The following CNTNAP2 variants were observed in gnomAD, a reference collection of about 807,000 sequenced individuals.
CNTNAP2 encodes contactin associated protein 2, also known as contactin-associated protein-like 2.
A neutral mutation model predicts 155.2 loss-of-function variants in CNTNAP2; 98 were observed. The observed-to-expected ratio is 0.63, with a 90% CI of 0.54 to 0.75. The LOEUF (loss-of-function observed/expected upper bound fraction) is 0.75. Ranked by LOEUF, CNTNAP2 falls within the 30% of genes least tolerant of loss-of-function variation. The pLI, the probability that CNTNAP2 is intolerant of heterozygous loss-of-function variation, is 0.00. For synonymous variants in CNTNAP2, 651 were observed against 631.2 expected (o/e 1.03, Z -0.47); for missense variants, 1,727 against 1,688.1 (o/e 1.02, Z -0.40).
At chr7:146,289,683 A>G (rs1375232594) in intron 1 of CNTNAP2, among the ~76,000 whole-genome samples, 1 of 152,206 alleles carries the variant, frequency 6.6e-6, no homozygotes, top group Non-Finnish European at 1.5e-5. Context: ...ATCGTATTTA[A>G]AATTAATTTA....
intron 1 of CNTNAP2, among the ~76,000 whole-genome samples, chr7:146,424,065 G>A (rs1162754893): frequency 6.6e-6 from 1 of 152,002 alleles, no homozygotes; most frequent in Non-Finnish European, 1.5e-5. Context: ...ATATCCTCAA[G>A]GAGAACTTGG....
chr7:148,223,912 G>T (rs535487281), intron 19 of CNTNAP2, among the ~76,000 whole-genome samples: 1 of 152,172 alleles, frequency 6.6e-6, no homozygotes, highest in Admixed American at 6.5e-5. Context: ...AATGTCCAGC[G>T]TTTTGCATAA....
chr7:146,952,972 G>C (rs1006242158), intron 3 of CNTNAP2, among the ~76,000 whole-genome samples: 2 of 152,046 alleles, frequency 1.3e-5, no homozygotes, highest in East Asian at 3.9e-4. Flanking sequence ...ACAGTCCTCT[G>C]AGATGATAGT....
intron 1 of CNTNAP2, among the ~76,000 whole-genome samples, chr7:146,665,611 A>C (rs979373391): frequency 2.0e-5 from 3 of 151,274 alleles, no homozygotes; most frequent in Admixed American, 6.6e-5. Flanking sequence ...GTGAAACCCC[A>C]TCTCTACTAA....
chr7:148,411,536 G>A (rs968647955), intron 23 of CNTNAP2, among the ~76,000 whole-genome samples: 24 of 152,210 alleles, frequency 1.6e-4, no homozygotes, highest in African/African-American at 5.1e-4. Context: ...AAAGTGCTGG[G>A]ATTATAGGTG....
At chr7:146,641,240 TG>T (rs1799701284) in intron 1 of CNTNAP2, among the ~76,000 whole-genome samples, 1 of 152,122 alleles carries the variant, frequency 6.6e-6, no homozygotes, top group Non-Finnish European at 1.5e-5. Flanking sequence ...GGCAGGAGAA[TG>T]GCGTGAACCC....
intron 1 of CNTNAP2, among the ~76,000 whole-genome samples, chr7:146,130,880 A>G (rs1050749297): frequency 3.3e-5 from 5 of 152,154 alleles, no homozygotes; most frequent in African/African-American, 2.4e-5. Context: ...CTTAGGAAAC[A>G]ACCAGATCTT....
chr7:147,410,018 A>G (rs950709782), intron 10 of CNTNAP2, among the ~76,000 whole-genome samples: 2 of 152,266 alleles, frequency 1.3e-5, no homozygotes, highest in South Asian at 4.1e-4. Flanking sequence ...ATCTAAAGAC[A>G]GAAATACCGT....
intron 1 of CNTNAP2, among the ~76,000 whole-genome samples, chr7:146,202,122 T>C (rs1031067211): frequency 6.6e-6 from 1 of 152,146 alleles, no homozygotes; most frequent in African/African-American, 2.4e-5. Context: ...AAGCTGCTAA[T>C]GGAGATTATC....
At chr7:146,234,787 A>G (rs1055938947) in intron 1 of CNTNAP2, among the ~76,000 whole-genome samples, 11 of 152,210 alleles carry the variant, frequency 7.2e-5, no homozygotes, top group African/African-American at 2.7e-4. Context: ...CTGAAATATC[A>G]AATGTATACC....
chr7:148,178,246 A>C (rs2116699241), intron 18 of CNTNAP2, among the ~76,000 whole-genome samples: 1 of 152,344 alleles, frequency 6.6e-6, no homozygotes, highest in Non-Finnish European at 1.5e-5. Flanking sequence ...GTTCATGTTC[A>C]TATGCCAAAC....
chr7:147,734,154 G>A (rs1028837805), intron 13 of CNTNAP2, among the ~76,000 whole-genome samples: 2 of 152,114 alleles, frequency 1.3e-5, no homozygotes, highest in South Asian at 2.1e-4. Flanking sequence ...CTGTGGGTTT[G>A]TCATAAATAG....
chr7:148,144,651 C>A (rs1805141478), intron 16 of CNTNAP2, among the ~76,000 whole-genome samples: 1 of 152,216 alleles, frequency 6.6e-6, no homozygotes, highest in Non-Finnish European at 1.5e-5. Flanking sequence ...GGCAACCATT[C>A]ATGTTTGGCA....
At chr7:147,986,906 G>GT (rs891369218) in intron 15 of CNTNAP2, among the ~76,000 whole-genome samples, 5 of 145,052 alleles carry the variant, frequency 3.4e-5, no homozygotes, top group South Asian at 2.3e-4. Context: ...TGTGTGGTTG[G>GT]TTTTTTTTAA....
intron 2 of CNTNAP2, among the ~76,000 whole-genome samples, chr7:146,806,261 G>A (rs944916734): frequency 2.0e-5 from 3 of 151,992 alleles, no homozygotes; most frequent in Non-Finnish European, 4.4e-5. Flanking sequence ...GGCAGCTGAG[G>A]TGGGTGGATC....
intron 1 of CNTNAP2, among the ~76,000 whole-genome samples, chr7:146,564,295 G>A (rs1291082840): frequency 6.6e-6 from 1 of 151,970 alleles, no homozygotes; most frequent in African/African-American, 2.4e-5. Context: ...TGTGGTTGAA[G>A]TCCTGTTCAA....
At chr7:146,687,931 A>G (rs1212028372) in intron 1 of CNTNAP2, among the ~76,000 whole-genome samples, 3 of 152,154 alleles carry the variant, frequency 2.0e-5, no homozygotes, top group Non-Finnish European at 2.9e-5. Context: ...GTGGTTTTAC[A>G]TTACTAATGA....
At chr7:146,900,704 G>T (rs1048171428) in intron 3 of CNTNAP2, among the ~76,000 whole-genome samples, 1 of 152,094 alleles carries the variant, frequency 6.6e-6, no homozygotes, top group African/African-American at 2.4e-5. Flanking sequence ...CAGTACCTCT[G>T]TCAGCTTTCT....
At chr7:147,083,539 T>TATATATATGTATATATATATAC (rs1224219333) in intron 4 of CNTNAP2, among the ~76,000 whole-genome samples, 45 of 30,462 alleles carry the variant, frequency 1.5e-3, no homozygotes, top group Non-Finnish European at 4.6e-3. Flanking sequence ...TATATATACA[T>TATATATATGTATATATATATAC]ATATATATAT....
Sources: allele counts gnomAD v4.1 joint callset (sites outside exome capture counted in the v4.1 genomes callset), GRCh38; gene constraint gnomAD v4.1.1; transcripts MANE v1.5; gene names NCBI Gene and HGNC (gene_info 2026-07-23, HGNC 2026-07-21).